MARCHF1: variants seen among roughly 807,000 people sequenced by gnomAD.
MARCHF1 encodes the protein membrane associated ring-CH-type finger 1.
Under a neutral mutation model 54.2 loss-of-function variants are expected in MARCHF1, and 40 were observed. The observed-to-expected ratio is 0.74, with a 90% CI of 0.57 to 0.96. MARCHF1 has a LOEUF of 0.96. MARCHF1 is among the 40% of genes least tolerant of loss of function. The pLI, the probability that MARCHF1 is intolerant of heterozygous loss-of-function variation, is 0.00. For missense variants in MARCHF1, 586 were observed against 656.5 expected, an observed-to-expected ratio of 0.89 and a Z score of 1.17; for synonymous variants, 236 against 236.3, an observed-to-expected ratio of 1.00 and a Z score of 0.01.
intron 1 of MARCHF1, among the ~76,000 whole-genome samples, chr4:164,233,116 G>A (rs1412705069): frequency 1.3e-5 from 2 of 151,990 alleles, no homozygotes; most frequent in African/African-American, 4.8e-5. Flanking sequence ...TTATAACACA[G>A]GATTTGGTAA....
In MARCHF1 at chr4:163,658,365, A is replaced by C. The variant is rs531291456; in HGVS notation, c.162+42448T>G. Among the ~76,000 whole-genome samples the C allele has an allele frequency of 1.7e-4, 26 of 152,194 alleles. No individual in the cohort carries two copies. In the East Asian group the frequency reaches 4.7e-3, roughly 27 times the overall value. ...TCACAATGAGATACTATCTCATGCC[A>C]GTCAGAATGGTGATTATTATAAAGT... is the stretch of plus-strand genomic sequence containing the variant. On this transcript the variant is annotated intron_variant, in intron 5 of 9. Coordinates refer to ENST00000514618, the MANE Select transcript of MARCHF1 (RefSeq NM_001394959.1).
chr4:163,656,438 A>G (rs1422242824), intron 5 of MARCHF1, among the ~76,000 whole-genome samples: 2 of 151,966 alleles, frequency 1.3e-5, no homozygotes, highest in Non-Finnish European at 2.9e-5. Context: ...AAAAAACCCC[A>G]GGACCAGACA....
intron 8 of MARCHF1, among the ~76,000 whole-genome samples, chr4:163,566,986 T>A (rs1579069302): frequency 1.3e-5 from 2 of 152,280 alleles, no homozygotes; most frequent in South Asian, 4.1e-4. Context: ...ACACCTTGCA[T>A]GCAAACTCTT....
At chr4:163,595,743 G>C (rs1323403717) in intron 7 of MARCHF1, among the ~76,000 whole-genome samples, 1 of 152,092 alleles carries the variant, frequency 6.6e-6, no homozygotes, top group Admixed American at 6.6e-5. Flanking sequence ...GGCTGCCAAG[G>C]CTGGGGAGAG....
At chr4:163,876,035 C>A (rs1049128229) in intron 3 of MARCHF1, among the ~76,000 whole-genome samples, 11 of 151,844 alleles carry the variant, frequency 7.2e-5, no homozygotes, top group Non-Finnish European at 1.5e-4. Flanking sequence ...AATAAAAAAC[C>A]TTTATTTGAT....
intron 4 of MARCHF1, among the ~76,000 whole-genome samples, chr4:163,757,084 C>T (rs879760444): frequency 1.3e-5 from 2 of 152,154 alleles, no homozygotes; most frequent in Admixed American, 1.3e-4. Flanking sequence ...TCCTTAAACT[C>T]AACTTTTCCT....
chr4:164,327,299 G>C (rs1310284814), intron 1 of MARCHF1, among the ~76,000 whole-genome samples: 6 of 152,132 alleles, frequency 3.9e-5, no homozygotes, highest in Non-Finnish European at 8.8e-5. Flanking sequence ...AAAGTCAACA[G>C]AAACCCAATT....
At chr4:163,929,446 C>T (rs7673013) in intron 3 of MARCHF1, among the ~76,000 whole-genome samples, 14,372 of 151,968 alleles carry the variant, frequency 0.095, 1,597 homozygotes, top group African/African-American at 0.27. Context: ...TATATTTATC[C>T]TTTTCTGCTG....
chr4:164,142,885 G>C (rs970422007), intron 1 of MARCHF1, among the ~76,000 whole-genome samples: 12 of 152,048 alleles, frequency 7.9e-5, no homozygotes, highest in African/African-American at 2.2e-4. Flanking sequence ...AGCTACGGGA[G>C]GACATTCAAA....
chr4:163,929,897 A>G, intron 3 of MARCHF1, among the ~76,000 whole-genome samples: 1 of 140,306 alleles, frequency 7.1e-6, no homozygotes. Flanking sequence ...GCACTATAAA[A>G]AACATATTGG....
chr4:164,043,308 T>C (rs1188131547), intron 2 of MARCHF1, among the ~76,000 whole-genome samples: 2 of 152,142 alleles, frequency 1.3e-5, no homozygotes, highest in Non-Finnish European at 2.9e-5. Context: ...GAAATCTAAG[T>C]GGAGATTCCA....
At chr4:163,667,841 G>A (rs578085737) in intron 5 of MARCHF1, among the ~76,000 whole-genome samples, 15 of 152,134 alleles carry the variant, frequency 9.9e-5, no homozygotes, top group African/African-American at 3.6e-4. Context: ...TGCCCAAGCT[G>A]GTCTTGAACT....
chr4:164,372,840 C>G (rs906651099), intron 1 of MARCHF1, among the ~76,000 whole-genome samples: 3 of 151,744 alleles, frequency 2.0e-5, no homozygotes, highest in Non-Finnish European at 4.4e-5. Context: ...AAAATGATAC[C>G]AGTCATAAAT....
chr4:163,529,004 G>GCTA lies in MARCHF1; in HGVS notation c.1379_1381dup (p.Val460dup). 6.2e-7 allele frequency: 1 copy of GCTA among 1,611,876 alleles called. No homozygotes were observed. Among genetic ancestry groups the GCTA allele is most frequent in the Non-Finnish European group, 8.5e-7 (1 of 1,178,710 alleles). ...GACAAGACCTCCTGTGAAGCCAATG[G>GCTA]CTACCACAACCAGTTTTGTCCAAAA... On this transcript the variant is annotated inframe_insertion, in exon 10 of 10. Transcript: ENST00000514618.
intron 1 of MARCHF1, among the ~76,000 whole-genome samples, chr4:164,148,519 A>C (rs1188313360): frequency 6.6e-6 from 1 of 151,434 alleles, no homozygotes; most frequent in African/African-American, 2.4e-5. Flanking sequence ...TGCTTTCCCT[A>C]TGTTTTCAGT....
At chr4:163,918,056 G>T (rs1751348293) in intron 3 of MARCHF1, among the ~76,000 whole-genome samples, 1 of 152,056 alleles carries the variant, frequency 6.6e-6, no homozygotes, top group East Asian at 1.9e-4. Flanking sequence ...AATCCATTTT[G>T]AGTTAATTTT....
chr4:164,026,092 TAAC>T (rs991636687), intron 2 of MARCHF1, among the ~76,000 whole-genome samples: 67 of 151,792 alleles, frequency 4.4e-4, no homozygotes, highest in African/African-American at 1.4e-3. Flanking sequence ...AGAAACCTGA[TAAC>T]AACAACAACA....
chr4:164,193,551 G>A (rs1030278722), intron 1 of MARCHF1, among the ~76,000 whole-genome samples: 3 of 151,968 alleles, frequency 2.0e-5, no homozygotes, highest in Non-Finnish European at 4.4e-5. Flanking sequence ...TCTTTCACTT[G>A]GATTTGTTCA....
At chr4:163,879,804 C>CGCGTGTGTGTGTGTGT (rs1553960437) in intron 3 of MARCHF1, among the ~76,000 whole-genome samples, 4 of 148,378 alleles carry the variant, frequency 2.7e-5, no homozygotes, top group African/African-American at 9.9e-5. Flanking sequence ...GATTTAGAGG[C>CGCGTGTGTGTGTGTGT]GTGTGTGTGT....
Sources: gnomAD v4.1 joint callset for allele counts (sites outside exome capture counted in the v4.1 genomes callset) on GRCh38, gnomAD v4.1.1 for gene constraint, MANE v1.5 for transcripts, NCBI Gene and HGNC (gene_info 2026-07-23, HGNC 2026-07-21) for gene names.